The following PATJ variants were observed in gnomAD, a reference collection of about 807,000 sequenced individuals.
The protein encoded by PATJ is PATJ crumbs cell polarity complex component, also known as inaD-like protein.
Under a neutral mutation model 224.9 loss-of-function variants are expected in PATJ, and 190 were observed. The ratio of observed to expected loss-of-function variants is 0.84; its 90% CI spans 0.75 to 0.95. The LOEUF is 0.95. Ranked by LOEUF, PATJ falls within the 40% of genes least tolerant of loss-of-function variation. The probability of loss-of-function intolerance (pLI) is 0.00; values close to 1 mark genes in which losing one functional copy is unlikely to be tolerated. For synonymous variants in PATJ, 769 were observed against 820.3 expected (o/e 0.94, Z 1.07); for missense variants, 2,121 against 2,270.3 (o/e 0.93, Z 1.34).
chr1:61,947,108 A>G (rs1678851919), intron 27 of PATJ, among the ~76,000 whole-genome samples: 2 of 152,198 alleles, frequency 1.3e-5, no homozygotes, highest in African/African-American at 4.8e-5. Context: ...CACAGCCAAC[A>G]TCGTACTGAA....
At chr1:61,971,925 G>A (rs1289978959) in intron 27 of PATJ, among the ~76,000 whole-genome samples, 2 of 150,470 alleles carry the variant, frequency 1.3e-5, no homozygotes, top group East Asian at 1.9e-4. Context: ...GGAGGTTGAG[G>A]CTGCAGTGAG....
In PATJ at chr1:62,032,161, CT is replaced by C. The variant is rs545762641; in HGVS notation, c.3960-5813del. Among the ~76,000 whole-genome samples, 61 of 152,134 alleles carry C rather than the reference CT, an allele frequency of 4.0e-4. No individual in the cohort carries two copies. In the Middle Eastern group the frequency reaches 0.014, roughly 34 times the overall value. On this transcript the variant is annotated intron_variant, in intron 29 of 43. Transcript: ENST00000642238. The stretch of plus-strand genomic sequence containing the variant: ...GTCAGGCTGAGGTCTTGTCTGGAGG[CT>C]TTGGGGGAAAAGTTGCTTCCAGGCT...
At position 61,987,605 on chromosome 1, in the gene PATJ, G is replaced by A. The variant is rs576579090; in HGVS notation, c.3671-2563G>A. ...GCCTCCTCTCAACCCCCCATCCCTG[G>A]GGGACTCTATGGCACCTCTGCAGAA... On this transcript the variant is annotated intron_variant, in intron 27 of 43. Coordinates refer to ENST00000642238, the MANE Select transcript of PATJ (RefSeq NM_001350145.3). Among the ~76,000 whole-genome samples, 8 of 152,160 alleles carry A rather than the reference G, an allele frequency of 5.3e-5. No homozygotes were observed. The South Asian group carries it at 1.7e-3, about 32-fold the overall frequency.
At chr1:61,824,799 A>G (rs951166541) in intron 15 of PATJ, among the ~76,000 whole-genome samples, 6 of 152,194 alleles carry the variant, frequency 3.9e-5, no homozygotes, top group Non-Finnish European at 5.9e-5. Flanking sequence ...TAGGCACTAA[A>G]GAAATGTTGG....
At chr1:61,966,986 A>G (rs548751154) in intron 27 of PATJ, among the ~76,000 whole-genome samples, 12 of 152,222 alleles carry the variant, frequency 7.9e-5, no homozygotes, top group African/African-American at 2.6e-4. Flanking sequence ...TATCAGCAAG[A>G]TCTTTATGAC....
intron 1 of PATJ, among the ~76,000 whole-genome samples, chr1:61,762,141 G>A (rs185406604): frequency 1.3e-5 from 2 of 152,232 alleles, no homozygotes; most frequent in Admixed American, 6.5e-5. Context: ...ATGCCAAGGT[G>A]TCATATTTTG....
intron 41 of PATJ, among the ~76,000 whole-genome samples, chr1:62,135,670 T>C (rs974291651): frequency 1.3e-4 from 20 of 152,198 alleles, no homozygotes; most frequent in Non-Finnish European, 2.4e-4. Context: ...AGTCGTGAGT[T>C]TGAATCCTTT....
At chr1:62,119,003 CAA>C (rs35661742) in intron 37 of PATJ, among the ~76,000 whole-genome samples, 31,481 of 138,142 alleles carry the variant, frequency 0.23, 5,350 homozygotes, top group East Asian at 0.73. Context: ...CATTAAATAT[CAA>C]AAAAAAAAAA....
intron 23 of PATJ, 37 bp from the exon 24 acceptor site, chr1:61,901,245 T>G: frequency 7.3e-7 from 1 of 1,370,026 alleles, no homozygotes; most frequent in Non-Finnish European, 9.7e-7. Context: ...AGATTAAACT[T>G]GTTGATGAGT....
intron 27 of PATJ, among the ~76,000 whole-genome samples, chr1:61,971,605 C>T (rs1682986611): frequency 6.6e-6 from 1 of 151,930 alleles, no homozygotes. Context: ...AGAGTGAGAT[C>T]CTGTCTCAAA....
intron 26 of PATJ, among the ~76,000 whole-genome samples, chr1:61,926,208 T>G (rs1408745737): frequency 6.6e-6 from 1 of 152,178 alleles, no homozygotes; most frequent in South Asian, 2.1e-4. Flanking sequence ...TGTACATCCC[T>G]TGCTCCAGCT....
At chr1:61,858,635 C>A (rs1264075078) in intron 18 of PATJ, among the ~76,000 whole-genome samples, 1 of 152,146 alleles carries the variant, frequency 6.6e-6, no homozygotes, top group Middle Eastern at 3.2e-3. Flanking sequence ...AGCACCAAGC[C>A]ATGAGGGATC....
intron 28 of PATJ, among the ~76,000 whole-genome samples, chr1:61,995,693 T>C (rs958562151): frequency 1.2e-4 from 19 of 152,230 alleles, no homozygotes; most frequent in African/African-American, 4.6e-4. Flanking sequence ...TCTTTGCCCT[T>C]TACTTCCATG....
chr1:61,762,581 A>G (rs1344502121), intron 1 of PATJ, among the ~76,000 whole-genome samples: 4 of 152,066 alleles, frequency 2.6e-5, no homozygotes, highest in Admixed American at 6.6e-5. Context: ...GAAACTACCA[A>G]TTTTCCGAAG....
At chr1:61,867,753 C>A (rs1557783921) in intron 20 of PATJ, among the ~76,000 whole-genome samples, 3 of 152,032 alleles carry the variant, frequency 2.0e-5, no homozygotes, top group Non-Finnish European at 4.4e-5. Flanking sequence ...TCCTCCCTTC[C>A]ACAGTGAGGA....
intron 27 of PATJ, among the ~76,000 whole-genome samples, chr1:61,963,343 C>T (rs1451986585): frequency 2.0e-5 from 3 of 151,778 alleles, no homozygotes; most frequent in Non-Finnish European, 4.4e-5. Flanking sequence ...ACCTGTAATC[C>T]CAGCATTTTG....
rs1319461445 is a variant in PATJ, at chr1:62,017,748, GAAAA to G, written c.3868-107_3868-104del. ...CTGTCTCAAAAAAAAAAAAAAAAAA[GAAAA>G]GAAAAGAAAAGAAATTCAGTAGACT... On this transcript the variant is annotated intron_variant, in intron 28 of 43. Transcript: ENST00000642238. The G allele has an allele frequency of 7.2e-4, 289 of 402,976 alleles. 4 individuals are homozygous for G. In the Admixed American group the frequency reaches 0.013, roughly 18 times the overall value. 25.0% of individuals were successfully genotyped at this position (402,976 alleles called of 1,614,324 possible). A position where few individuals can be genotyped will look rare whatever the true frequency, so the allele number is the denominator to read the frequency against.
intron 19 of PATJ, among the ~76,000 whole-genome samples, chr1:61,863,635 T>G (rs1015959587): frequency 3.9e-5 from 6 of 152,194 alleles, no homozygotes; most frequent in Non-Finnish European, 8.8e-5. Context: ...TAGTGAAATA[T>G]AAATTAATTT....
chr1:62,134,174 T>A (rs1018423523), intron 41 of PATJ, among the ~76,000 whole-genome samples: 1 of 150,862 alleles, frequency 6.6e-6, no homozygotes, highest in Non-Finnish European at 1.5e-5. Context: ...ATTCTCTTCA[T>A]CTGAAACACC....
Sources: allele counts gnomAD v4.1 joint callset (sites outside exome capture counted in the v4.1 genomes callset), GRCh38; gene constraint gnomAD v4.1.1; transcripts MANE v1.5; gene names NCBI Gene and HGNC (gene_info 2026-07-23, HGNC 2026-07-21).